Variants in RPS6KC1 observed in about 807,000 individuals in gnomAD.
RPS6KC1 encodes ribosomal protein S6 kinase C1.
In RPS6KC1, 54 loss-of-function variants were observed where a neutral mutation model predicts 103.8. That is an observed-to-expected ratio of 0.52 (90% CI 0.42 to 0.65). RPS6KC1 has a LOEUF of 0.65. Among genes scored for constraint, RPS6KC1 ranks in the 30% least tolerant of loss-of-function variants. The pLI, the probability that RPS6KC1 is intolerant of heterozygous loss-of-function variation, is 0.00. For synonymous variants in RPS6KC1, 439 were observed against 438.7 expected (o/e 1.00, Z -0.01); for missense variants, 1,151 against 1,253.8 (o/e 0.92, Z 1.24).
the RPS6KC1 span, among the ~76,000 whole-genome samples, chr1:213,539,572 G>A: frequency 3.9e-5 from 6 of 152,346 alleles, no homozygotes; most frequent in African/African-American, 1.2e-4. Flanking sequence ...ATTGGGGAAA[G>A]TTGCGGTTGT....
intron 8 of RPS6KC1, among the ~76,000 whole-genome samples, chr1:213,205,693 A>C (rs890320272): frequency 6.6e-6 from 1 of 151,050 alleles, no homozygotes; most frequent in African/African-American, 2.4e-5. Context: ...ATGCAACCAT[A>C]TATTTTTGAC....
chr1:213,351,612 G>A, the RPS6KC1 span, among the ~76,000 whole-genome samples: 5 of 152,240 alleles, frequency 3.3e-5, no homozygotes, highest in Admixed American at 3.3e-4. Flanking sequence ...GTCATGACAC[G>A]TGGTCATGAA....
chr1:213,286,099 T>A, the RPS6KC1 span, among the ~76,000 whole-genome samples: 1 of 152,026 alleles, frequency 6.6e-6, no homozygotes, highest in Non-Finnish European at 1.5e-5. Context: ...AATGAAAGAG[T>A]CTGATGTTGT....
At chr1:213,321,984 G>A in the RPS6KC1 span, among the ~76,000 whole-genome samples, 2 of 151,956 alleles carry the variant, frequency 1.3e-5, no homozygotes, top group Admixed American at 6.6e-5. Flanking sequence ...ATGAGTGAGA[G>A]GGGGTAGGGT....
At chr1:213,812,980 C>T in the RPS6KC1 span, among the ~76,000 whole-genome samples, 4,177 of 152,140 alleles carry the variant, frequency 0.027, 83 homozygotes, top group Non-Finnish European at 0.033. Flanking sequence ...CGGCCGGGCA[C>T]GGTGGCTCAA....
At chr1:213,600,978 C>A in the RPS6KC1 span, among the ~76,000 whole-genome samples, 1 of 152,180 alleles carries the variant, frequency 6.6e-6, no homozygotes, top group Non-Finnish European at 1.5e-5. Context: ...GACAGTGGGG[C>A]TTGCCTGTGA....
intron 8 of RPS6KC1, among the ~76,000 whole-genome samples, chr1:213,224,199 T>C (rs2093906824): frequency 6.6e-6 from 1 of 152,224 alleles, no homozygotes; most frequent in Admixed American, 6.5e-5. Context: ...CAAAGATGGT[T>C]GCCTACTTAA....
At chr1:213,716,671 C>T in the RPS6KC1 span, among the ~76,000 whole-genome samples, 528 of 152,232 alleles carry the variant, frequency 3.5e-3, 2 homozygotes, top group African/African-American at 0.012. Context: ...ATTCTTAGTA[C>T]ATTCTATATT....
At chr1:213,679,344 A>G in the RPS6KC1 span, among the ~76,000 whole-genome samples, 6 of 152,234 alleles carry the variant, frequency 3.9e-5, no homozygotes, top group Admixed American at 3.9e-4. Flanking sequence ...TACCTTGTTT[A>G]AACAGATAGT....
At chr1:213,640,088 G>T in the RPS6KC1 span, among the ~76,000 whole-genome samples, 1 of 151,734 alleles carries the variant, frequency 6.6e-6, no homozygotes, top group Admixed American at 6.6e-5. Context: ...AGGATTTTTT[G>T]GGTTATCTAC....
intron 3 of RPS6KC1, among the ~76,000 whole-genome samples, chr1:213,090,962 T>C (rs1213027098): frequency 2.0e-5 from 3 of 152,260 alleles, no homozygotes; most frequent in Admixed American, 6.5e-5. Flanking sequence ...TGGATTCTTA[T>C]AGCTGTTTCT....
At chr1:213,373,429 A>G in the RPS6KC1 span, among the ~76,000 whole-genome samples, 1 of 152,262 alleles carries the variant, frequency 6.6e-6, no homozygotes, top group Non-Finnish European at 1.5e-5. Flanking sequence ...CCTTGGATCC[A>G]GCTGTTCCTG....
chr1:213,292,270 ATTAAAAAAC>A, the RPS6KC1 span, among the ~76,000 whole-genome samples: 1 of 151,766 alleles, frequency 6.6e-6, no homozygotes, highest in Non-Finnish European at 1.5e-5. Context: ...ATTAAATTAA[ATTAAAAAAC>A]AAAACAAAAC....
chr1:213,153,299 A>G (rs1056700748), intron 6 of RPS6KC1, among the ~76,000 whole-genome samples: 9 of 150,882 alleles, frequency 6.0e-5, no homozygotes, highest in Non-Finnish European at 1.3e-4. Context: ...AGAGGCAGGC[A>G]CAGAGGCAGG....
At chr1:213,723,392 A>C in the RPS6KC1 span, among the ~76,000 whole-genome samples, 39,997 of 152,004 alleles carry the variant, frequency 0.26, 5,861 homozygotes, top group Middle Eastern at 0.39. Context: ...GGAGTCTGAG[A>C]TCAAGGTGTC....
intron 6 of RPS6KC1, among the ~76,000 whole-genome samples, chr1:213,138,248 G>T (rs1455632467): frequency 4.0e-5 from 6 of 151,590 alleles, no homozygotes; most frequent in Admixed American, 3.9e-4. Context: ...GGCTTACCTT[G>T]TTTTGTTGTA....
chr1:213,803,393 C>G, the RPS6KC1 span, among the ~76,000 whole-genome samples: 8 of 151,880 alleles, frequency 5.3e-5, no homozygotes, highest in African/African-American at 1.7e-4. Context: ...ATTACAGGTG[C>G]CTGTCACCAC....
the RPS6KC1 span, among the ~76,000 whole-genome samples, chr1:213,496,749 C>G: frequency 6.6e-6 from 1 of 152,136 alleles, no homozygotes; most frequent in East Asian, 1.9e-4. Flanking sequence ...CAGAGTGAGA[C>G]TCAGTCTCGG....
chr1:213,706,440 G>A, the RPS6KC1 span, among the ~76,000 whole-genome samples: 2 of 152,176 alleles, frequency 1.3e-5, no homozygotes, highest in African/African-American at 4.8e-5. Flanking sequence ...TCTGCTGGGT[G>A]ATGAGGGAGG....
Sources: allele counts gnomAD v4.1 joint callset (sites outside exome capture counted in the v4.1 genomes callset), GRCh38; gene constraint gnomAD v4.1.1; transcripts MANE v1.5; gene names NCBI Gene and HGNC (gene_info 2026-07-23, HGNC 2026-07-21).